PIK3C2G: variants seen among roughly 807,000 people sequenced by gnomAD.
The protein encoded by PIK3C2G is phosphatidylinositol-4-phosphate 3-kinase catalytic subunit type 2 gamma, also known as phosphatidylinositol 3-kinase C2 domain-containing subunit gamma.
Under a neutral mutation model 181.1 loss-of-function variants are expected in PIK3C2G, and 168 were observed. The ratio of observed to expected loss-of-function variants is 0.93; its 90% CI spans 0.82 to 1.05. The LOEUF (loss-of-function observed/expected upper bound fraction) is 1.05, where lower values mean the gene tolerates loss of function less well. Ranked by LOEUF, PIK3C2G falls within the 50% of genes least tolerant of loss-of-function variation. PIK3C2G has a pLI of 0.00. For synonymous variants in PIK3C2G, 573 were observed against 592.2 expected, an observed-to-expected ratio of 0.97 and a Z score of 0.47; for missense variants, 1,869 against 1,732.8, an observed-to-expected ratio of 1.08 and a Z score of -1.40.
intron 8 of PIK3C2G, among the ~76,000 whole-genome samples, chr12:18,328,654 G>A (rs1178149938): frequency 1.3e-5 from 2 of 151,928 alleles, no homozygotes; most frequent in Non-Finnish European, 2.9e-5. Flanking sequence ...TTCATCACTA[G>A]AGTGAGGATA....
At chr12:18,630,367 G>C (rs140802234) in intron 31 of PIK3C2G, among the ~76,000 whole-genome samples, 2 of 152,048 alleles carry the variant, frequency 1.3e-5, no homozygotes, top group East Asian at 3.9e-4. Context: ...ACCCCAGCCC[G>C]GGTAACAGAG....
intron 26 of PIK3C2G, among the ~76,000 whole-genome samples, chr12:18,550,922 A>G (rs2136289705): frequency 6.6e-6 from 1 of 152,198 alleles, no homozygotes; most frequent in South Asian, 2.1e-4. Context: ...TGAAAGAAAT[A>G]AACAGCTTTT....
At position 18,509,878 on chromosome 12, in the gene PIK3C2G, G is replaced by A. The variant is rs73342976; in HGVS notation, c.3323+4417G>A. Among the ~76,000 whole-genome samples, 441 of 152,250 alleles carry A rather than the reference G, an allele frequency of 2.9e-3. 3 individuals carry two copies. Among genetic ancestry groups the A allele is most frequent in the African/African-American group, 0.01 (416 of 41,546 alleles). ...TGAGGTATTACTTAATGATTCTGGGGAAAATTTGGCTAATCTTTATAATGG... is the reference window on the plus strand; with the variant it reads ...TGAGGTATTACTTAATGATTCTGGGAAAAATTTGGCTAATCTTTATAATGG... On this transcript the variant is annotated intron_variant, in intron 24 of 32. Transcript: ENST00000538779.
intron 31 of PIK3C2G, among the ~76,000 whole-genome samples, chr12:18,632,829 A>G (rs1245295453): frequency 6.6e-6 from 1 of 152,212 alleles, no homozygotes; most frequent in East Asian, 1.9e-4. Context: ...ATGACAATCT[A>G]CTTTACTGGG....
At chr12:18,645,486 G>T (rs1033717128) in intron 32 of PIK3C2G, among the ~76,000 whole-genome samples, 2 of 152,096 alleles carry the variant, frequency 1.3e-5, no homozygotes, top group Admixed American at 6.6e-5. Flanking sequence ...TTTTAACCAG[G>T]AAAGCAATTA....
the PIK3C2G span, among the ~76,000 whole-genome samples, chr12:18,723,939 A>T: frequency 2.0e-5 from 3 of 152,140 alleles, no homozygotes; most frequent in African/African-American, 4.8e-5. Flanking sequence ...TTCAAGATCA[A>T]TGTAAACTGC....
rs115740638 is a variant in PIK3C2G, at chr12:18,610,925, T to G, written c.4182+1296T>G. Reference sequence around the variant, plus strand: ...GTAATGTTATCATTGCTCAAAACATTTTAGAGCACACCTGATGAAATTGCT... The same window carrying G: ...GTAATGTTATCATTGCTCAAAACATGTTAGAGCACACCTGATGAAATTGCT... On this transcript the variant is annotated intron_variant, in intron 31 of 32. Transcript: ENST00000538779. Among the ~76,000 whole-genome samples, 1,406 of 152,154 alleles carry G rather than the reference T, an allele frequency of 9.2e-3. 21 individuals are homozygous for G. Among genetic ancestry groups the G allele is most frequent in the African/African-American group, 0.032 (1,335 of 41,522 alleles).
At chr12:18,526,337 G>A (rs998514464) in intron 24 of PIK3C2G, among the ~76,000 whole-genome samples, 3 of 152,102 alleles carry the variant, frequency 2.0e-5, no homozygotes, top group African/African-American at 7.2e-5. Context: ...CAGAAACATG[G>A]TGGTTTCTTT....
At chr12:18,354,002 T>C (rs149998776) in intron 11 of PIK3C2G, among the ~76,000 whole-genome samples, 2 of 152,308 alleles carry the variant, frequency 1.3e-5, no homozygotes, top group Non-Finnish European at 1.5e-5. Context: ...CATCTTTCAT[T>C]TGGATAAAGT....
chr12:18,626,678 T>C (rs1949113205), intron 31 of PIK3C2G, among the ~76,000 whole-genome samples: 2 of 152,060 alleles, frequency 1.3e-5, no homozygotes, highest in Non-Finnish European at 2.9e-5. Flanking sequence ...ATTTTCTGGG[T>C]AAAATAGTCT....
At chr12:18,361,808 G>T (rs1372029112) in intron 11 of PIK3C2G, among the ~76,000 whole-genome samples, 1 of 152,106 alleles carries the variant, frequency 6.6e-6, no homozygotes, top group Non-Finnish European at 1.5e-5. Context: ...CTTCTAGTTG[G>T]ATAAGACAGA....
chr12:18,267,002 T>A (rs768135263), intron 1 of PIK3C2G, among the ~76,000 whole-genome samples: 1 of 152,204 alleles, frequency 6.6e-6, no homozygotes, highest in East Asian at 1.9e-4. Flanking sequence ...CCATCTTCAA[T>A]GTTGGTTGTT....
chr12:18,667,581 C>A, the PIK3C2G span, among the ~76,000 whole-genome samples: 1 of 152,000 alleles, frequency 6.6e-6, no homozygotes, highest in Non-Finnish European at 1.5e-5. Context: ...ATCCTTTCTT[C>A]ATGATCCTTC....
chr12:18,649,544 G>A (rs901099006), downstream of PIK3C2G, among the ~76,000 whole-genome samples: 1 of 151,976 alleles, frequency 6.6e-6, no homozygotes, highest in African/African-American at 2.4e-5. Flanking sequence ...GCCAATTGCT[G>A]ACCCACTACC....
chr12:18,273,083 G>A (rs1948814643), intron 1 of PIK3C2G, among the ~76,000 whole-genome samples: 3 of 151,998 alleles, frequency 2.0e-5, no homozygotes. Flanking sequence ...TGCTGGGGAT[G>A]CTAGAATTAC....
At position 18,438,043 on chromosome 12, in the gene PIK3C2G, GT is replaced by G. The variant is rs200886582; in HGVS notation, c.2504+14011del. ...AATAAACATGGATTAAGCAATATGT[GT>G]TTTTTTAAAGTATTCTAGCTATTTC... On this transcript the variant is annotated intron_variant, in intron 18 of 32. Coordinates refer to ENST00000538779, the MANE Select transcript of PIK3C2G (RefSeq NM_001288772.2). Among the ~76,000 whole-genome samples the G allele has an allele frequency of 7.0e-3, 1,065 of 151,958 alleles. 6 individuals carry two copies. Among genetic ancestry groups the G allele is most frequent in the African/African-American group, 0.019 (781 of 41,514 alleles).
the PIK3C2G span, chr12:18,687,986 CT>C: frequency 6.7e-7 from 1 of 1,484,422 alleles, no homozygotes; most frequent in Non-Finnish European, 9.2e-7. Flanking sequence ...AAACCCTTGT[CT>C]TATGAATAAT....
At chr12:18,415,025 A>T (rs567025892) in intron 16 of PIK3C2G, among the ~76,000 whole-genome samples, 1 of 152,308 alleles carries the variant, frequency 6.6e-6, no homozygotes, top group Admixed American at 6.5e-5. Flanking sequence ...TATTCCCAGC[A>T]TTTGCATATA....
At position 18,604,728 on chromosome 12, in the gene PIK3C2G, C is replaced by T. The variant is rs189744259; in HGVS notation, c.4088-4807C>T. Among the ~76,000 whole-genome samples, 14 of 152,222 alleles carry T rather than the reference C, an allele frequency of 9.2e-5. No homozygotes were observed. The East Asian group carries it at 2.1e-3, about 23-fold the overall frequency. Reference sequence around the variant, plus strand: ...ACTACAATGGATTAAAACTGAAAATCAACTCCAAAAGGAACCTTCAAAACC... The same window carrying T: ...ACTACAATGGATTAAAACTGAAAATTAACTCCAAAAGGAACCTTCAAAACC... On this transcript the variant is annotated intron_variant, in intron 30 of 32. Transcript: ENST00000538779.
Sources: allele counts gnomAD v4.1 joint callset (sites outside exome capture counted in the v4.1 genomes callset), GRCh38; gene constraint gnomAD v4.1.1; transcripts MANE v1.5; gene names NCBI Gene and HGNC (gene_info 2026-07-23, HGNC 2026-07-21).